Variants in GLIS3 observed in about 807,000 individuals in gnomAD.
GLIS3 encodes the protein GLIS family zinc finger 3, also known as zinc finger protein GLIS3.
GLIS3 carries 53 observed loss-of-function variants against 78.6 expected under a neutral mutation model. The ratio of observed to expected loss-of-function variants is 0.67; its 90% confidence interval spans 0.54 to 0.85. The LOEUF (loss-of-function observed/expected upper bound fraction) is 0.85. GLIS3 is among the 40% of genes least tolerant of loss of function. GLIS3 has a pLI of 0.00. For missense variants in GLIS3, 1,703 were observed against 1,231.1 expected (o/e 1.38, Z -5.74); for synonymous variants, 684 against 509.9 (o/e 1.34, Z -4.60).
At chr9:4,092,690 T>C (rs1371127287) in intron 4 of GLIS3, among the ~76,000 whole-genome samples, 1 of 152,186 alleles carries the variant, frequency 6.6e-6, no homozygotes, top group Non-Finnish European at 1.5e-5. Context: ...AGCCTGGAGC[T>C]GTCATCTCCC....
intron 4 of GLIS3, among the ~76,000 whole-genome samples, chr9:4,045,770 G>A (rs1043870132): frequency 1.3e-5 from 2 of 152,162 alleles, no homozygotes; most frequent in Non-Finnish European, 2.9e-5. Flanking sequence ...CACAGCTCTA[G>A]ATATTATGAG....
chr9:4,170,176 A>T (rs1816251435), intron 2 of GLIS3, among the ~76,000 whole-genome samples: 1 of 152,190 alleles, frequency 6.6e-6, no homozygotes, highest in Non-Finnish European at 1.5e-5. Flanking sequence ...AGTTAAAGCG[A>T]TCTGAAGAAA....
chr9:3,922,447 T>A (rs901015080), intron 6 of GLIS3, among the ~76,000 whole-genome samples: 1 of 152,242 alleles, frequency 6.6e-6, no homozygotes, highest in Non-Finnish European at 1.5e-5. Flanking sequence ...AAAGTTTGCA[T>A]ATGTCCTCAT....
chr9:4,136,181 A>C (rs1195480688), intron 2 of GLIS3, among the ~76,000 whole-genome samples: 1 of 152,200 alleles, frequency 6.6e-6, no homozygotes, highest in Non-Finnish European at 1.5e-5. Context: ...CATGGCGCTC[A>C]CAACCTCTGA....
At chr9:4,067,803 CA>C (rs5896043) in intron 4 of GLIS3, among the ~76,000 whole-genome samples, 20 of 149,378 alleles carry the variant, frequency 1.3e-4, no homozygotes, top group African/African-American at 3.7e-4. Flanking sequence ...AACATTAGAG[CA>C]AAAAAAAAAT....
intron 4 of GLIS3, among the ~76,000 whole-genome samples, chr9:4,020,266 G>A (rs769695643): frequency 1.4e-4 from 21 of 152,124 alleles, no homozygotes; most frequent in Non-Finnish European, 2.8e-4. Context: ...TAAAAGGGGA[G>A]GGTAACTTAA....
intron 3 of GLIS3, among the ~76,000 whole-genome samples, chr9:4,120,340 G>C (rs1832080511): frequency 6.6e-6 from 1 of 152,234 alleles, no homozygotes; most frequent in Non-Finnish European, 1.5e-5. Flanking sequence ...GTGAAGTAAT[G>C]TTTACCAAAG....
At chr9:4,224,404 T>C (rs901472111) in intron 2 of GLIS3, among the ~76,000 whole-genome samples, 6 of 152,242 alleles carry the variant, frequency 3.9e-5, no homozygotes, top group Admixed American at 2.0e-4. Flanking sequence ...ATGTTTACCA[T>C]TGAGATGTTC....
chr9:4,199,634 A>G (rs1207547050), intron 2 of GLIS3, among the ~76,000 whole-genome samples: 1 of 152,050 alleles, frequency 6.6e-6, no homozygotes, highest in Admixed American at 6.6e-5. Flanking sequence ...TGCACCTAAC[A>G]TTGGAGCACT....
At chr9:4,344,835 C>T (rs184912008) in intron 2 of GLIS3, among the ~76,000 whole-genome samples, 12 of 152,300 alleles carry the variant, frequency 7.9e-5, no homozygotes, top group African/African-American at 2.4e-4. Flanking sequence ...TCCTTGTCTG[C>T]TCTCTTCCTT....
At chr9:3,873,423 T>G (rs1004522986) in intron 8 of GLIS3, among the ~76,000 whole-genome samples, 2 of 152,024 alleles carry the variant, frequency 1.3e-5, no homozygotes, top group Non-Finnish European at 2.9e-5. Context: ...CATATGCAAA[T>G]CAATAAATGG....
chr9:3,935,388 AT>A (rs1825836710), intron 5 of GLIS3, among the ~76,000 whole-genome samples: 1 of 152,038 alleles, frequency 6.6e-6, no homozygotes, highest in Non-Finnish European at 1.5e-5. Context: ...ATTAACAAAA[AT>A]CAGGAAACCA....
intron 4 of GLIS3, among the ~76,000 whole-genome samples, chr9:3,990,389 T>C (rs1389791670): frequency 1.3e-5 from 2 of 152,138 alleles, no homozygotes; most frequent in Admixed American, 1.3e-4. Flanking sequence ...ATGGCGCATG[T>C]TTTCTTCACC....
intron 2 of GLIS3, among the ~76,000 whole-genome samples, chr9:4,278,635 G>A (rs1275122230): frequency 6.6e-6 from 1 of 152,126 alleles, no homozygotes; most frequent in Non-Finnish European, 1.5e-5. Context: ...AACATAGCAG[G>A]AATAAAAGAA....
intron 2 of GLIS3, among the ~76,000 whole-genome samples, chr9:4,160,920 G>C (rs2131081865): frequency 6.6e-6 from 1 of 152,188 alleles, no homozygotes. Flanking sequence ...GCAGTCTAGA[G>C]GATACTGCTT....
rs1203865161 is a variant in GLIS3 at position 4,333,684 on chromosome 9, A to G, written n.264+13397T>C. On this transcript the variant is annotated intron_variant and non_coding_transcript_variant, in intron 2 of 4. Transcript: ENST00000471664. ...TGTCAAATAATGCTATTAGCTTCCA[A>G]TGGGATTTTTGTGAAGGGTGGCTCT... Among the ~76,000 whole-genome samples the G allele has an allele frequency of 2.0e-5, 3 of 152,052 alleles. No homozygotes were observed. The East Asian group carries it at 5.8e-4, about 29-fold the overall frequency.
At chr9:4,317,990 A>G (rs975327090) in intron 2 of GLIS3, among the ~76,000 whole-genome samples, 19 of 152,270 alleles carry the variant, frequency 1.2e-4, no homozygotes, top group Non-Finnish European at 2.4e-4. Flanking sequence ...CTCTGTGAAG[A>G]TAGACTTAGA....
At chr9:4,335,808 T>C (rs548205945) in intron 2 of GLIS3, among the ~76,000 whole-genome samples, 1 of 152,340 alleles carries the variant, frequency 6.6e-6, no homozygotes, top group East Asian at 1.9e-4. Flanking sequence ...CCCAGGGTCC[T>C]TCCCCCATTG....
intron 2 of GLIS3, among the ~76,000 whole-genome samples, chr9:4,201,786 C>G (rs182742332): frequency 1.3e-5 from 2 of 152,288 alleles, no homozygotes; most frequent in African/African-American, 4.8e-5. Context: ...AGATTCAGTG[C>G]TATTCCTATT....
Sources: allele counts gnomAD v4.1 joint callset (sites outside exome capture counted in the v4.1 genomes callset), GRCh38; gene constraint gnomAD v4.1.1; transcripts MANE v1.5; gene names NCBI Gene and HGNC (gene_info 2026-07-23, HGNC 2026-07-21).